The following DNAH12 variants were observed in gnomAD, a reference collection of about 807,000 sequenced individuals.
The protein encoded by DNAH12 is dynein axonemal heavy chain 12, also known as axonemal beta dynein heavy chain 12.
Under a neutral mutation model 371.5 loss-of-function variants are expected in DNAH12, and 285 were observed. The observed-to-expected ratio is 0.77, with a 90% CI of 0.70 to 0.85. The LOEUF is 0.85. Ranked by LOEUF, DNAH12 falls within the 40% of genes least tolerant of loss-of-function variation. The probability of loss-of-function intolerance (pLI) is 0.00; values close to 1 mark genes in which losing one functional copy is unlikely to be tolerated. For synonymous variants in DNAH12, 1,200 were observed against 1,213.0 expected (o/e 0.99, Z 0.22); for missense variants, 3,611 against 3,689.4 (o/e 0.98, Z 0.55).
chr3:57,481,606 T>G (rs1432410124), intron 13 of DNAH12, among the ~76,000 whole-genome samples: 1 of 152,206 alleles, frequency 6.6e-6, no homozygotes. Context: ...AGAGCCTGCA[T>G]TGCCAAGTCA....
chr3:57,407,976 G>A (rs1447264352), intron 40 of DNAH12, among the ~76,000 whole-genome samples: 2 of 152,086 alleles, frequency 1.3e-5, no homozygotes, highest in Admixed American at 1.3e-4. Flanking sequence ...GCAGATACTA[G>A]TTTTAGATGT....
In DNAH12 at chr3:57,471,584, T is replaced by C. The variant is rs1428787883; in HGVS notation, c.1799A>G (p.Lys600Arg). The C allele has an allele frequency of 6.5e-7, 1 of 1,544,172 alleles. No individual in the cohort carries two copies. The highest frequency in any genetic ancestry group is 8.7e-7 in the Non-Finnish European group (1 of 1,145,156). Residue 600 changes from lysine to arginine, a missense_variant, in exon 15 of 74, where the codon AAA (lysine) becomes AGA (arginine). Physicochemically the swap from Lys to Arg is conservative, Grantham distance 26. Transcript: ENST00000495027. ...CTTGGCCATTAGTTCATTTTCTTTT[T>C]TATGTTTAGCATTCTCAATTAGCTT... ...NDELIENAKH[K>R]KENELMAKRE...
chr3:57,401,398 A>C (rs1191240713), intron 43 of DNAH12, among the ~76,000 whole-genome samples: 3 of 143,712 alleles, frequency 2.1e-5, no homozygotes, highest in Non-Finnish European at 4.8e-5. Context: ...AAATACAAAA[A>C]AAAAAAAAAG....
At chr3:57,294,209 C>T (rs1197262124) in intron 73 of DNAH12, among the ~76,000 whole-genome samples, 1 of 140,612 alleles carries the variant, frequency 7.1e-6, no homozygotes, top group Non-Finnish European at 1.5e-5. Context: ...CTGAGTCTCA[C>T]TCTGTCACCT....
At chr3:57,344,916 A>G (rs2062500443) in intron 60 of DNAH12, among the ~76,000 whole-genome samples, 2 of 152,094 alleles carry the variant, frequency 1.3e-5, no homozygotes, top group Admixed American at 6.5e-5. Flanking sequence ...TGAACAACCA[A>G]CACAGGAGTT....
In DNAH12 at chr3:57,415,455, A is replaced by G. The variant is rs2064340143; in HGVS notation, c.5824T>C (p.Ser1942Pro). 1.7e-5 allele frequency: 26 copies of G among 1,550,616 alleles called. No homozygotes were observed. The highest frequency in any genetic ancestry group is 2.7e-5 in the African/African-American group (2 of 73,012). ...DQYFPFYINL[S>P]ARTSANQVQN... ...ACCTGATTGGCGCTGGTCCGTGCAG[A>G]TAAGTTAATATAAAAAGGAAAGTAC... The change falls in exon 38 of 74, where the codon TCT (serine) becomes CCT (proline). Residue 1942 changes from serine to proline, a missense_variant. Ser to Pro is a moderately conservative substitution (Grantham distance 74). Coordinates refer to ENST00000495027, the MANE Select transcript of DNAH12 (RefSeq NM_001366028.2).
At chr3:57,324,685 G>T (rs1575451826) in intron 62 of DNAH12, among the ~76,000 whole-genome samples, 1 of 152,318 alleles carries the variant, frequency 6.6e-6, no homozygotes, top group Non-Finnish European at 1.5e-5. Context: ...TGAGGTACTT[G>T]GTTCATCTCA....
rs537222805 is a variant in DNAH12 at position 57,293,719 on chromosome 3, A to G, written c.*62T>C. 1 of 1,480,160 alleles carries G rather than the reference A, an allele frequency of 6.8e-7. No individual in the cohort carries two copies. Among genetic ancestry groups the G allele is most frequent in the Non-Finnish European group, 9.1e-7 (1 of 1,104,294 alleles). 91.7% of individuals were successfully genotyped at this position (1,480,160 alleles called of 1,614,324 possible). ...AAACACTTGGTTTTATAATGTATAT[A>G]TTTTAAGTAGGACAGGTTTTTTTTT... is the stretch of plus-strand genomic sequence containing the variant. On this transcript the variant is annotated 3_prime_UTR_variant, in exon 74 of 74. Coordinates refer to ENST00000495027, the MANE Select transcript of DNAH12 (RefSeq NM_001366028.2).
intron 32 of DNAH12, among the ~76,000 whole-genome samples, chr3:57,431,426 C>A (rs1250923633): frequency 6.6e-6 from 1 of 152,150 alleles, no homozygotes; most frequent in East Asian, 1.9e-4. Context: ...GACCTTCTCT[C>A]CAGAAATAAT....
chr3:57,332,003 A>G (rs1230924843), intron 62 of DNAH12, among the ~76,000 whole-genome samples: 1 of 152,122 alleles, frequency 6.6e-6, no homozygotes, highest in Non-Finnish European at 1.5e-5. Flanking sequence ...GTCTCTTCTT[A>G]GTAATTTCCC....
At chr3:57,548,428 G>A (rs1318081538), upstream of DNAH12, among the ~76,000 whole-genome samples, 5 of 152,158 alleles carry the variant, frequency 3.3e-5, no homozygotes, top group Non-Finnish European at 1.5e-5. Flanking sequence ...AATAGAAAAG[G>A]CCAGGCTCAG....
At chr3:57,311,058 G>A in intron 66 of DNAH12, 108 bp from the exon 67 acceptor site, 1 of 819,250 alleles carries the variant, frequency 1.2e-6, no homozygotes, top group Non-Finnish European at 1.9e-6. Context: ...GAATTATCAT[G>A]AGTTGTCTTT....
chr3:57,462,615 A>C, intron 18 of DNAH12, 75 bp downstream of exon 18: 1 of 1,490,276 alleles, frequency 6.7e-7, no homozygotes, highest in Non-Finnish European at 9.0e-7. Context: ...ATACACATTC[A>C]ACCCCAACAA....
intron 2 of DNAH12, among the ~76,000 whole-genome samples, chr3:57,535,132 T>C (rs917179075): frequency 1.3e-5 from 2 of 152,234 alleles, no homozygotes; most frequent in Non-Finnish European, 2.9e-5. Flanking sequence ...AGAGATGGTA[T>C]ATGAACTCAG....
chr3:57,301,076 G>A (rs1226392834), intron 70 of DNAH12, among the ~76,000 whole-genome samples: 1 of 151,862 alleles, frequency 6.6e-6, no homozygotes, highest in Non-Finnish European at 1.5e-5. Context: ...GATTGCTTGA[G>A]GTCAGGAGTG....
In DNAH12 at chr3:57,329,917, C is replaced by G. The variant is rs1050854916; in HGVS notation, c.9978+4548G>C. ...AGTGGGCAAAGGACATGAACAGACA[C>G]TTCTCAAAAGAAGACATTTATGCAG... On this transcript the variant is annotated intron_variant, in intron 62 of 73. Coordinates refer to ENST00000495027, the MANE Select transcript of DNAH12 (RefSeq NM_001366028.2). Among the ~76,000 whole-genome samples, 911 of 152,266 alleles carry G rather than the reference C, an allele frequency of 6.0e-3. 11 individuals carry two copies. Among genetic ancestry groups the G allele is most frequent in the African/African-American group, 0.021 (864 of 41,526 alleles).
chr3:57,295,647 G>C (rs917049757), intron 72 of DNAH12, 55 bp from the exon 73 acceptor site: 4 of 1,432,934 alleles, frequency 2.8e-6, no homozygotes, highest in Non-Finnish European at 3.8e-6. Flanking sequence ...TCACTTCTGA[G>C]AACAGATTGC....
the DNAH12 span, among the ~76,000 whole-genome samples, chr3:57,555,247 A>G: frequency 2.6e-5 from 4 of 151,920 alleles, no homozygotes; most frequent in Non-Finnish European, 5.9e-5. Flanking sequence ...CTACCTAAAA[A>G]ATAAAAAAAT....
Position 57,310,951 on chromosome 3 carries a change from C to G in DNAH12, c.10663-1G>C, listed in dbSNP as rs1205466759. ...TTGTATCATATTCATTGATAAATAA[C>G]TGAAGCAAAGGAAAAATGAAACAAG... is the stretch of plus-strand genomic sequence containing the variant. On this transcript the variant is annotated splice_acceptor_variant, in intron 66 of 73. Coordinates refer to ENST00000495027, the MANE Select transcript of DNAH12 (RefSeq NM_001366028.2). LOFTEE classifies it high-confidence loss of function. 1 of 1,539,016 alleles carries G rather than the reference C, an allele frequency of 6.5e-7. No homozygotes were observed. The highest frequency in any genetic ancestry group is 8.8e-7 in the Non-Finnish European group (1 of 1,137,038).
Sources: allele counts gnomAD v4.1 joint callset (sites outside exome capture counted in the v4.1 genomes callset), GRCh38; gene constraint gnomAD v4.1.1; transcripts MANE v1.5; gene names NCBI Gene and HGNC (gene_info 2026-07-23, HGNC 2026-07-21).